DISC1: variants seen among roughly 807,000 people sequenced by gnomAD.
DISC1 encodes disrupted in schizophrenia 1 protein.
A neutral mutation model predicts 84.5 loss-of-function variants in DISC1; 57 were observed. That is an observed-to-expected ratio of 0.67 (90% confidence interval 0.55 to 0.84). DISC1 has a LOEUF of 0.84. DISC1 is among the 40% of genes least tolerant of loss of function. The pLI is 0.00. For synonymous variants in DISC1, 411 were observed against 415.2 expected, an observed-to-expected ratio of 0.99 and a Z score of 0.12; for missense variants, 1,000 against 1,057.8, an observed-to-expected ratio of 0.95 and a Z score of 0.76.
chr1:231,674,371 G>T (rs1345681472), intron 1 of DISC1, among the ~76,000 whole-genome samples: 4 of 152,140 alleles, frequency 2.6e-5, no homozygotes, highest in African/African-American at 7.2e-5. Flanking sequence ...GGCAGTCACT[G>T]AGCTGTTACT....
At chr1:232,033,008 C>T (rs1193321373) in intron 12 of DISC1, among the ~76,000 whole-genome samples, 2 of 151,898 alleles carry the variant, frequency 1.3e-5, no homozygotes, top group Non-Finnish European at 2.9e-5. Context: ...TTGTAAAACA[C>T]TTTTTTTTAA....
chr1:231,781,335 A>G (rs1347602894), intron 6 of DISC1, among the ~76,000 whole-genome samples: 1 of 152,096 alleles, frequency 6.6e-6, no homozygotes, highest in Non-Finnish European at 1.5e-5. Context: ...GTTTTCTTTA[A>G]GAAGCTTACA....
rs781062993 is a variant in DISC1 at position 231,749,908 on chromosome 1, A to G, written c.1118-18A>G. The G allele has an allele frequency of 6.2e-7, 1 of 1,614,090 alleles. No individual in the cohort carries two copies. The highest frequency in any genetic ancestry group is 8.5e-7 in the Non-Finnish European group (1 of 1,180,004). On this transcript the variant is annotated intron_variant, in intron 3 of 12. Coordinates refer to ENST00000439617, the MANE Select transcript of DISC1 (RefSeq NM_018662.3). ...TCATGGTTCTTTTTTCCTCTCTCTC[A>G]TCATTTTGGGTTTCCAGCTGAGACG...
intron 9 of DISC1, among the ~76,000 whole-genome samples, chr1:231,896,097 C>T (rs1440793526): frequency 1.3e-5 from 2 of 152,162 alleles, no homozygotes; most frequent in Non-Finnish European, 2.9e-5. Flanking sequence ...TACATTCCCC[C>T]TTCCTATGAG....
Position 232,009,390 on chromosome 1 carries a change from TTA to T in DISC1, c.2307+347_2307+348del. On this transcript the variant is annotated intron_variant, in intron 11 of 12. Coordinates refer to ENST00000439617, the MANE Select transcript of DISC1 (RefSeq NM_018662.3). This position sits in a 1 kb window ranked among gnomAD's most constrained non-coding sequence, Gnocchi z 4.6. ...ATATAGTTATTATATTCACTATAGA[TTA>T]TATATGCCATACATGATATTTAACA... 2.6e-6 allele frequency: 2 copies of T among 768,938 alleles called. No homozygotes were observed. The highest frequency in any genetic ancestry group is 3.2e-6 in the Non-Finnish European group (2 of 621,142). The allele number at this position is 768,938 out of a possible 1,614,324, so 47.6% of individuals were successfully genotyped here.
chr1:231,876,257 T>C (rs540539889), intron 9 of DISC1, among the ~76,000 whole-genome samples: 8 of 152,226 alleles, frequency 5.3e-5, no homozygotes, highest in African/African-American at 1.9e-4. Context: ...CATTTAACAG[T>C]GTGTGGCACC....
chr1:231,795,919 G>T (rs2078728009), intron 7 of DISC1, among the ~76,000 whole-genome samples: 1 of 152,164 alleles, frequency 6.6e-6, no homozygotes, highest in Non-Finnish European at 1.5e-5. Context: ...CAGGATGGTA[G>T]TAATTTGAGA....
intron 11 of DISC1, among the ~76,000 whole-genome samples, chr1:232,022,768 G>C (rs1222368117): frequency 2.6e-5 from 4 of 152,148 alleles, no homozygotes; most frequent in Non-Finnish European, 5.9e-5. Context: ...AAGATTCCAA[G>C]TGAGAGCATT....
chr1:231,633,463 C>T (rs774497127), intron 1 of DISC1, among the ~76,000 whole-genome samples: 2 of 152,136 alleles, frequency 1.3e-5, no homozygotes, highest in Non-Finnish European at 2.9e-5. Context: ...TGATCGTTGT[C>T]CTGCAGGATT....
chr1:231,784,685 T>G (rs987860480), intron 6 of DISC1, among the ~76,000 whole-genome samples: 3 of 152,198 alleles, frequency 2.0e-5, no homozygotes, highest in Non-Finnish European at 2.9e-5. Flanking sequence ...CCCATGATCC[T>G]CAAAAGATGA....
intron 3 of DISC1, among the ~76,000 whole-genome samples, chr1:231,746,209 A>G (rs945425031): frequency 6.6e-6 from 1 of 152,200 alleles, no homozygotes; most frequent in Non-Finnish European, 1.5e-5. Flanking sequence ...AACATGTTTA[A>G]CTTTCTGTTC....
At chr1:231,660,735 G>T (rs552322508) in intron 1 of DISC1, among the ~76,000 whole-genome samples, 12 of 152,304 alleles carry the variant, frequency 7.9e-5, no homozygotes, top group African/African-American at 2.4e-4. Flanking sequence ...GATTACAGGT[G>T]TGAGCCACTG....
At chr1:231,724,374 T>C (rs1388999794) in intron 3 of DISC1, among the ~76,000 whole-genome samples, 1 of 152,188 alleles carries the variant, frequency 6.6e-6, no homozygotes. Flanking sequence ...AAGATGGCAG[T>C]GAAGTGGCCT....
At chr1:231,753,697 C>G (rs961516615) in intron 4 of DISC1, among the ~76,000 whole-genome samples, 7 of 152,174 alleles carry the variant, frequency 4.6e-5, no homozygotes, top group Admixed American at 4.6e-4. Context: ...TCTTTTCTAC[C>G]ACATGGCCAA....
chr1:231,661,601 T>C (rs1168595647), intron 1 of DISC1, among the ~76,000 whole-genome samples: 1 of 152,242 alleles, frequency 6.6e-6, no homozygotes, highest in Non-Finnish European at 1.5e-5. Context: ...ATGAGCTTGG[T>C]TATGTTCCTC....
chr1:231,845,468 G>A (rs955266951), intron 9 of DISC1, among the ~76,000 whole-genome samples: 1 of 152,166 alleles, frequency 6.6e-6, no homozygotes, highest in Non-Finnish European at 1.5e-5. Context: ...GACCTGGCAC[G>A]GGGAACACAG....
chr1:231,886,715 A>C (rs1230282116), intron 9 of DISC1, among the ~76,000 whole-genome samples: 3 of 152,190 alleles, frequency 2.0e-5, no homozygotes, highest in South Asian at 4.1e-4. Flanking sequence ...GGAAATAAGC[A>C]AAACAGAACA....
At position 231,843,738 on chromosome 1, in the gene DISC1, G is replaced by C. The variant is rs150668852; in HGVS notation, c.1981+25221G>C. On this transcript the variant is annotated intron_variant, in intron 9 of 12. Coordinates refer to ENST00000439617, the MANE Select transcript of DISC1 (RefSeq NM_018662.3). Reference sequence around the variant, plus strand: ...AGCTTTCTGGCCTGGACCACCGGTGGGGGGTATTCATTAGAATCAAGGCCA... The same window carrying C: ...AGCTTTCTGGCCTGGACCACCGGTGCGGGGTATTCATTAGAATCAAGGCCA... Among the ~76,000 whole-genome samples the C allele has an allele frequency of 4.9e-3, 752 of 152,258 alleles. 6 individuals are homozygous for C. Among genetic ancestry groups the C allele is most frequent in the Non-Finnish European group, 5.6e-3 (384 of 68,014 alleles).
At chr1:231,923,306 C>CAAAAAAAAAAAAAAAA (rs1558738260) in intron 9 of DISC1, among the ~76,000 whole-genome samples, 1 of 109,416 alleles carries the variant, frequency 9.1e-6, no homozygotes, top group Non-Finnish European at 2.1e-5. Context: ...ACAAAAAAAA[C>CAAAAAAAAAAAAAAAA]CAAAAAAAAA....
Sources: gnomAD v4.1 joint callset for allele counts (sites outside exome capture counted in the v4.1 genomes callset) on GRCh38, gnomAD v4.1.1 for gene constraint, Gnocchi (gnomAD v3.1) non-coding constraint, MANE v1.5 for transcripts, NCBI Gene and HGNC (gene_info 2026-07-23, HGNC 2026-07-21) for gene names.